Variants in MAP3K4 observed in about 807,000 individuals in gnomAD.
MAP3K4 encodes MAP three kinase 1.
MAP3K4 carries 67 observed loss-of-function variants against 185.6 expected under a neutral mutation model. The ratio of observed to expected loss-of-function variants is 0.36; its 90% CI spans 0.30 to 0.44. The LOEUF (loss-of-function observed/expected upper bound fraction) is 0.44, where lower values mean the gene tolerates loss of function less well. Ranked by LOEUF, MAP3K4 falls within the 20% of genes least tolerant of loss-of-function variation. The probability of loss-of-function intolerance (pLI) is 1.00; values close to 1 mark genes in which losing one functional copy is unlikely to be tolerated. For missense variants in MAP3K4, 1,551 were observed against 1,995.1 expected (o/e 0.78, Z 4.24); for synonymous variants, 702 against 710.4 (o/e 0.99, Z 0.19).
At position 160,991,872 on chromosome 6, in the gene MAP3K4, G is replaced by T; in HGVS notation, c.-60G>T. The T allele has an allele frequency of 7.0e-7, 1 of 1,437,068 alleles. No homozygotes were observed. Among genetic ancestry groups the T allele is most frequent in the South Asian group, 1.5e-5 (1 of 68,872 alleles). The allele number at this position is 1,437,068 out of a possible 1,614,324, so 89.0% of individuals were successfully genotyped here. ...GTCACTCCCGCACTTCGGGGCTCCG[G>T]TGCCCCGCGCCAGGCTGCAGCTTAC... On this transcript the variant is annotated 5_prime_UTR_variant, in exon 1 of 27. Coordinates refer to ENST00000392142, the MANE Select transcript of MAP3K4 (RefSeq NM_005922.4). The surrounding 1 kb of genome is among the most constrained non-coding windows in gnomAD (Gnocchi z 5.7).
chr6:161,046,326 T>G (rs1440445886), intron 2 of MAP3K4, among the ~76,000 whole-genome samples: 4 of 152,100 alleles, frequency 2.6e-5, no homozygotes, highest in Admixed American at 6.5e-5. Flanking sequence ...AAAAACACAG[T>G]TAAACGCATC....
intron 25 of MAP3K4, among the ~76,000 whole-genome samples, chr6:161,113,955 G>C (rs1400370734): frequency 6.6e-6 from 1 of 151,854 alleles, no homozygotes; most frequent in Non-Finnish European, 1.5e-5. Context: ...CTGCCACCAT[G>C]CCTGGCTAAG....
intron 1 of MAP3K4, among the ~76,000 whole-genome samples, chr6:161,015,044 C>G (rs138149832): frequency 2.0e-5 from 3 of 152,110 alleles, no homozygotes; most frequent in African/African-American, 7.2e-5. Context: ...GCTTCTTTCA[C>G]TTAGCGTAAG....
chr6:161,092,098 A>C lies in MAP3K4; in HGVS notation c.3224A>C (p.Asn1075Thr), dbSNP rs751122481. 18 of 1,613,980 alleles carry C rather than the reference A, an allele frequency of 1.1e-5. No individual in the cohort carries two copies. In the South Asian group the frequency reaches 1.8e-4, roughly 16 times the overall value. ...ATAAGCTTTGCCCGGAAGTGGATGA[A>C]TTATGTCCTGACTAAATGTGAGAGT... The part of the protein sequence containing the change: ...KYISFARKWM[N>T]YVLTKCESGR... Residue 1075 changes from asparagine (N) to threonine (T), a missense_variant, in exon 13 of 27, where the codon AAT (asparagine) becomes ACT (threonine). Coordinates refer to ENST00000392142, the MANE Select transcript of MAP3K4 (RefSeq NM_005922.4).
chr6:161,058,286 T>TA (rs796944409), intron 3 of MAP3K4, among the ~76,000 whole-genome samples: 138 of 152,290 alleles, frequency 9.1e-4, no homozygotes, highest in African/African-American at 3.1e-3. Flanking sequence ...TTCCTAGAAA[T>TA]ACTGGGAAGT....
In MAP3K4 at chr6:161,063,315, A is replaced by G. The variant is rs1173436057; in HGVS notation, c.1708-7293A>G. On this transcript the variant is annotated intron_variant, in intron 3 of 26. Transcript: ENST00000392142. The surrounding 1 kb of genome is among the most constrained non-coding windows in gnomAD (Gnocchi z 5.4). ...TACAATTCTCATCTGCTTAGTGGAC[A>G]TATCTTTCTGGCAAGCGCTCACTGT... Among the ~76,000 whole-genome samples the G allele has an allele frequency of 1.3e-5, 2 of 152,032 alleles. No homozygotes were observed. Among genetic ancestry groups the G allele is most frequent in the Non-Finnish European group, 1.5e-5 (1 of 68,008 alleles).
chr6:161,088,055 AT>A lies in MAP3K4; in HGVS notation c.2823+102del. The stretch of plus-strand genomic sequence containing the variant: ...AATGAGGGGTTTGACTACCCTAGTA[AT>A]CACAAGTATATACTTCCCAAAAATA... On this transcript the variant is annotated intron_variant, in intron 10 of 26. Coordinates refer to ENST00000392142, the MANE Select transcript of MAP3K4 (RefSeq NM_005922.4). This position sits in a 1 kb window ranked among gnomAD's most constrained non-coding sequence, Gnocchi z 4.5. 15 of 1,241,376 alleles carry A rather than the reference AT, an allele frequency of 1.2e-5. No individual in the cohort carries two copies. Among genetic ancestry groups the A allele is most frequent in the Non-Finnish European group, 1.7e-5 (15 of 906,766 alleles). 76.9% of individuals were successfully genotyped at this position (1,241,376 alleles called of 1,614,324 possible). A position where few individuals can be genotyped will look rare whatever the true frequency, so the allele number is the denominator to read the frequency against.
Position 161,100,004 on chromosome 6 carries a change from G to C in MAP3K4, c.3674+1577G>C, listed in dbSNP as rs1019359073. On this transcript the variant is annotated intron_variant, in intron 17 of 26. Transcript: ENST00000392142. The surrounding 1 kb of genome is among the most constrained non-coding windows in gnomAD (Gnocchi z 5.8). ...AGAAATTTTAATAGTATCATAGCAT[G>C]GTATCTTGAAGGACATTTTTTACTC... Among the ~76,000 whole-genome samples the C allele has an allele frequency of 6.6e-6, 1 of 152,168 alleles. No homozygotes were observed. Among genetic ancestry groups the C allele is most frequent in the African/African-American group, 2.4e-5 (1 of 41,438 alleles).
At position 161,022,217 on chromosome 6, in the gene MAP3K4, C is replaced by T. The variant is rs1782436733; in HGVS notation, c.153-12042C>T. ...ACCTTCCTGGAACGCAGAGTGTAAT[C>T]CCTGCATTTGGTACGGAAGATAAAT... On this transcript the variant is annotated intron_variant, in intron 1 of 26. Coordinates refer to ENST00000392142, the MANE Select transcript of MAP3K4 (RefSeq NM_005922.4). This position sits in a 1 kb window ranked among gnomAD's most constrained non-coding sequence, Gnocchi z 4.2. 3 of 152,168 alleles carry T rather than the reference C, an allele frequency of 2.0e-5. No homozygotes were observed. In the South Asian group the frequency reaches 6.2e-4, roughly 32 times the overall value. 9.4% of individuals were successfully genotyped at this position (152,168 alleles called of 1,614,324 possible).
chr6:161,055,062 T>C (rs184067009), intron 3 of MAP3K4, among the ~76,000 whole-genome samples: 366 of 152,368 alleles, frequency 2.4e-3, no homozygotes, highest in Non-Finnish European at 2.8e-3. Flanking sequence ...CTGAGTATTG[T>C]TGATCTTGGG....
At chr6:161,018,592 A>T (rs1782223485) in intron 1 of MAP3K4, among the ~76,000 whole-genome samples, 1 of 152,240 alleles carries the variant, frequency 6.6e-6, no homozygotes, top group Admixed American at 6.5e-5. Flanking sequence ...GCCTACAAAA[A>T]AACCCTCAAA....
At chr6:161,042,994 C>CTA (rs1307278039) in intron 2 of MAP3K4, among the ~76,000 whole-genome samples, 2 of 151,654 alleles carry the variant, frequency 1.3e-5, no homozygotes, top group Admixed American at 6.6e-5. Context: ...ATGCGTGTGC[C>CTA]TATATATATG....
At chr6:161,041,279 T>C (rs1783437560) in intron 2 of MAP3K4, among the ~76,000 whole-genome samples, 1 of 152,220 alleles carries the variant, frequency 6.6e-6, no homozygotes, top group South Asian at 2.1e-4. Flanking sequence ...ACCACGCTGA[T>C]GCCTTCCCAG....
Position 161,111,926 on chromosome 6 carries a change from C to G in MAP3K4, c.4487C>G (p.Pro1496Arg). 6.2e-7 allele frequency: 1 copy of G among 1,614,134 alleles called. No homozygotes were observed. Among genetic ancestry groups the G allele is most frequent in the Non-Finnish European group, 8.5e-7 (1 of 1,180,004 alleles). Reference protein sequence around the residue: ...VKLKNNAQTMPGEVNSTLGTA... With the variant: ...VKLKNNAQTMRGEVNSTLGTA... ...CTCAAAAACAATGCCCAGACCATGC[C>G]TGGTGAAGTGAACAGCACCCTGGGG... is the stretch of plus-strand genomic sequence containing the variant. Residue 1496 changes from proline to arginine, a missense_variant, in exon 24 of 27, where the codon CCT becomes CGT. Physicochemically the swap from Pro to Arg is moderately radical, Grantham distance 103. Coordinates refer to ENST00000392142, the MANE Select transcript of MAP3K4 (RefSeq NM_005922.4).
At position 160,991,984 on chromosome 6, in the gene MAP3K4, C is replaced by T; in HGVS notation, c.53C>T (p.Pro18Leu). 4 of 1,545,396 alleles carry T rather than the reference C, an allele frequency of 2.6e-6. No homozygotes were observed. The highest frequency in any genetic ancestry group is 2.6e-6 in the Non-Finnish European group (3 of 1,152,822). Residue 18 changes from proline to leucine, a missense_variant, in exon 1 of 27, where the codon CCT becomes CTT. By Grantham distance (98) the Pro-to-Leu change is moderately conservative. This residue lies in a region of MAP3K4 where 287 missense variants were observed against 268.8 expected (regional missense o/e 1.07). Transcript: ENST00000392142. This position sits in a 1 kb window ranked among gnomAD's most constrained non-coding sequence, Gnocchi z 5.7. ...CCTCCTCCCGCCTTTGCCGTCACGCCTGCCGCCGCCATGGAGGAGCCGCCG... is the reference window on the plus strand; with the variant it reads ...CCTCCTCCCGCCTTTGCCGTCACGCTTGCCGCCGCCATGGAGGAGCCGCCG... Reference protein sequence around the residue: ...LVPPPAFAVTPAAAMEEPPPP... With the variant: ...LVPPPAFAVTLAAAMEEPPPP...
chr6:161,006,206 C>CT (rs1282637177), intron 1 of MAP3K4, among the ~76,000 whole-genome samples: 7 of 152,190 alleles, frequency 4.6e-5, no homozygotes, highest in African/African-American at 1.4e-4. Flanking sequence ...TCCATGTCTT[C>CT]TTTTTTCTCA....
chr6:161,093,671 C>T lies in MAP3K4; in HGVS notation c.3349-102C>T. ...AACTAACTGAAAATATTTTGGGTAG[C>T]ATGTTTTTAAAAATATACTGAAAAT... On this transcript the variant is annotated intron_variant, in intron 14 of 26. Coordinates refer to ENST00000392142, the MANE Select transcript of MAP3K4 (RefSeq NM_005922.4). The surrounding 1 kb of genome is among the most constrained non-coding windows in gnomAD (Gnocchi z 5.2). 2 of 649,232 alleles carry T rather than the reference C, an allele frequency of 3.1e-6. No individual in the cohort carries two copies. Among genetic ancestry groups the T allele is most frequent in the Non-Finnish European group, 2.7e-6 (1 of 373,966 alleles). 40.2% of individuals were successfully genotyped at this position (649,232 alleles called of 1,614,324 possible).
At position 161,108,996 on chromosome 6, in the gene MAP3K4, A is replaced by G; in HGVS notation, c.4236+137A>G. On this transcript the variant is annotated intron_variant, in intron 22 of 26. Transcript: ENST00000392142. The surrounding 1 kb of genome is among the most constrained non-coding windows in gnomAD (Gnocchi z 5.7). ...TTCTCAGGAAATCTCCATGAGTTAC[A>G]TCATTTCTGCCTTCTCTCTGAAACT... 5 of 1,599,438 alleles carry G rather than the reference A, an allele frequency of 3.1e-6. No homozygotes were observed. Among genetic ancestry groups the G allele is most frequent in the South Asian group, 1.1e-5 (1 of 89,616 alleles).
intron 6 of MAP3K4, among the ~76,000 whole-genome samples, chr6:161,081,543 A>G (rs1785457706): frequency 6.6e-6 from 1 of 152,218 alleles, no homozygotes; most frequent in African/African-American, 2.4e-5. Context: ...TGGGGAATGT[A>G]GTGCTCATCA....
Sources: gnomAD v4.1 joint callset for allele counts (sites outside exome capture counted in the v4.1 genomes callset) on GRCh38, gnomAD v4.1.1 for gene constraint, gnomAD v4.1.1 regional missense constraint, Gnocchi (gnomAD v3.1) non-coding constraint, MANE v1.5 for transcripts, NCBI Gene and HGNC (gene_info 2026-07-23, HGNC 2026-07-21) for gene names.